The following SIRT3 variants were observed in gnomAD, a reference collection of about 807,000 sequenced individuals.
The protein encoded by SIRT3 is sirtuin 3, also known as NAD-dependent protein deacetylase sirtuin-3, mitochondrial.
Under a neutral mutation model 33.5 loss-of-function variants are expected in SIRT3, and 26 were observed. That is an observed-to-expected ratio of 0.78 (90% CI 0.57 to 1.08). The LOEUF (loss-of-function observed/expected upper bound fraction) is 1.08, where lower values mean the gene tolerates loss of function less well. SIRT3 is among the 50% of genes least tolerant of loss of function. The probability of loss-of-function intolerance (pLI) is 0.00; values close to 1 mark genes in which losing one functional copy is unlikely to be tolerated. For missense variants in SIRT3, 585 were observed against 530.1 expected (o/e 1.10, Z -1.02); for synonymous variants, 237 against 222.1 (o/e 1.07, Z -0.60).
rs200944124 is a variant in SIRT3, at chr11:218,999, C to G, written c.1012G>C (p.Val338Leu). Reference sequence around the variant, plus strand: ...TCCCGGTTGATGAGCAGTCGGGGAACTGAGCTCCGCACGGCCTCGGTCAAG... The same window carrying G: ...TCCCGGTTGATGAGCAGTCGGGGAAGTGAGCTCCGCACGGCCTCGGTCAAG... ...ASLTEAVRSS[V>L]PRLLINRDLV... Residue 338 changes from valine (V) to leucine (L), a missense_variant, in exon 6 of 7, where the codon GTT becomes CTT. By Grantham distance (32) the Val-to-Leu change is conservative. Coordinates refer to ENST00000382743, the MANE Select transcript of SIRT3 (RefSeq NM_012239.6). The G allele has an allele frequency of 3.8e-5, 61 of 1,614,008 alleles. No homozygotes were observed. The highest frequency in any genetic ancestry group is 4.5e-5 in the Non-Finnish European group (53 of 1,180,040).
At position 233,051 on chromosome 11, in the gene SIRT3, A is replaced by C; in HGVS notation, c.638T>G (p.Leu213Arg). 6.2e-7 allele frequency: 1 copy of C among 1,614,118 alleles called. No homozygotes were observed. The highest frequency in any genetic ancestry group is 8.5e-7 in the Non-Finnish European group (1 of 1,180,006). The change falls in exon 3 of 7, where the codon CTC becomes CGC. Residue 213 changes from leucine (L) to arginine (R), a missense_variant. Transcript: ENST00000382743. The part of the protein sequence containing the change: ...NYKPNVTHYF[L>R]RLLHDKGLLL... Reference sequence around the variant, plus strand: ...CAGCCCCTTGTCATGAAGCAGCCGGAGAAAGTAGTGAGTGACGTTGGGCTT... The same window carrying C: ...CAGCCCCTTGTCATGAAGCAGCCGGCGAAAGTAGTGAGTGACGTTGGGCTT...
At chr11:232,680 C>A (rs755348102) in intron 3 of SIRT3, among the ~76,000 whole-genome samples, 1 of 152,120 alleles carries the variant, frequency 6.6e-6, no homozygotes, top group African/African-American at 2.4e-5. Context: ...AAAAAGAGAT[C>A]ATCACACCAG....
At chr11:236,843 A>C, upstream of SIRT3, 10 of 587,792 alleles carry the variant, frequency 1.7e-5, no homozygotes, top group Admixed American at 3.0e-5. Context: ...GTGCGCGGGA[A>C]GTGGGCTGCA....
At chr11:226,754 A>T (rs12795378) in intron 4 of SIRT3, among the ~76,000 whole-genome samples, 21,878 of 78,006 alleles carry the variant, frequency 0.28, 2,159 homozygotes, top group Middle Eastern at 0.32. Context: ...AATTATTATT[A>T]TTATTTTTTT....
intron 4 of SIRT3, among the ~76,000 whole-genome samples, chr11:226,356 C>T (rs1440122694): frequency 1.3e-5 from 2 of 152,090 alleles, no homozygotes; most frequent in African/African-American, 2.4e-5. Context: ...TCTGGGGTTC[C>T]CTTGACCAAG....
At chr11:232,870 A>G in intron 3 of SIRT3, 113 bp downstream of exon 3, 1 of 1,011,616 alleles carries the variant, frequency 9.9e-7, no homozygotes, top group South Asian at 1.5e-5. Flanking sequence ...GTCCCCAGAA[A>G]CAGGCACCCG....
At position 218,431 on chromosome 11, in the gene SIRT3, T is replaced by C. The variant is rs147696796; in HGVS notation, c.1179+401A>G. Among the ~76,000 whole-genome samples the C allele has an allele frequency of 9.3e-3, 1,416 of 152,342 alleles. 12 individuals carry two copies. Among genetic ancestry groups the C allele is most frequent in the Middle Eastern group, 0.031 (9 of 294 alleles). ...AATTACTTCCGAAAAGCATCACTCA[T>C]GTAGCCTTCATCCCACATAGATGCA... On this transcript the variant is annotated intron_variant, in intron 6 of 6. Coordinates refer to ENST00000382743, the MANE Select transcript of SIRT3 (RefSeq NM_012239.6).
At position 218,652 on chromosome 11, in the gene SIRT3, C is replaced by A. The variant is rs958306109; in HGVS notation, c.1179+180G>T. 4 of 1,156,884 alleles carry A rather than the reference C, an allele frequency of 3.5e-6. No homozygotes were observed. The African/African-American group carries it at 6.2e-5, about 18-fold the overall frequency. The allele number at this position is 1,156,884 out of a possible 1,614,324, so 71.7% of individuals were successfully genotyped here. ...CCTGTTAGCATCTGTTTCCTCATCT[C>A]TAAATGGAGGTATTGAAAGTAACAC... On this transcript the variant is annotated intron_variant, in intron 6 of 6. Transcript: ENST00000382743.
intron 3 of SIRT3, 121 bp downstream of exon 3, chr11:232,862 C>T: frequency 1.1e-6 from 1 of 910,820 alleles, no homozygotes; most frequent in Non-Finnish European, 1.7e-6. Flanking sequence ...TTTTGGCCGT[C>T]CCCAGAAACA....
chr11:224,304 C>A, intron 4 of SIRT3, 65 bp from the exon 5 acceptor site: 2 of 1,522,070 alleles, frequency 1.3e-6, no homozygotes, highest in Non-Finnish European at 1.8e-6. Flanking sequence ...GAAAAGGCAA[C>A]AAGTTCTTAT....
chr11:231,499 G>A (rs1564812832), intron 3 of SIRT3, among the ~76,000 whole-genome samples: 2 of 152,188 alleles, frequency 1.3e-5, no homozygotes, highest in Non-Finnish European at 2.9e-5. Context: ...TTAAAATGAG[G>A]ATATAAATAT....
At chr11:236,921 C>A, upstream of SIRT3, 1 of 765,456 alleles carries the variant, frequency 1.3e-6, no homozygotes, top group African/African-American at 1.8e-5. Flanking sequence ...GGCCCGCCCC[C>A]GGCCTGCTAC....
intron 1 of SIRT3, among the ~76,000 whole-genome samples, chr11:235,508 C>A (rs933510087): frequency 7.2e-5 from 11 of 152,228 alleles, no homozygotes; most frequent in Non-Finnish European, 2.9e-5. Flanking sequence ...TCGAGACTCA[C>A]TTTTCACCAA....
intron 6 of SIRT3, among the ~76,000 whole-genome samples, chr11:218,459 G>C (rs1056218723): frequency 6.6e-6 from 1 of 152,182 alleles, no homozygotes; most frequent in Non-Finnish European, 1.5e-5. Context: ...TAGATGCAGA[G>C]AACTTTAGCT....
intron 1 of SIRT3, among the ~76,000 whole-genome samples, chr11:235,741 T>C (rs1858932609): frequency 6.6e-6 from 1 of 152,198 alleles, no homozygotes; most frequent in Admixed American, 6.5e-5. Flanking sequence ...GTTAAATGCA[T>C]ATACTTTTGG....
Position 233,282 on chromosome 11 carries a change from G to A in SIRT3, c.473+61C>T, listed in dbSNP as rs989654734. The A allele has an allele frequency of 1.0e-5, 16 of 1,600,774 alleles. No homozygotes were observed. In the African/African-American group the frequency reaches 2.1e-4, roughly 21 times the overall value. ...ACAGGGAAGTGGAATAAACTGGGCA[G>A]TGGGGAGGGCAGGAGTCAGGGGAGG... On this transcript the variant is annotated intron_variant, in intron 2 of 6. Transcript: ENST00000382743.
At position 218,858 on chromosome 11, in the gene SIRT3, C is replaced by T. The variant is rs1483275927; in HGVS notation, c.1153G>A (p.Asp385Asn). ...ELLGWTEEMR[D>N]LVQRETGKLD... ...TTCCCAGTTTCCCGCTGCACAAGGT[C>T]CCGCATCTCTTCTGTCCAGCCCAGA... The change falls in exon 6 of 7, where the codon GAC (aspartate) becomes AAC (asparagine). Residue 385 changes from aspartate (D) to asparagine (N), a missense_variant. Asp to Asn is a conservative substitution (Grantham distance 23). Transcript: ENST00000382743. The T allele has an allele frequency of 1.2e-6, 2 of 1,614,082 alleles. No individual in the cohort carries two copies. Among genetic ancestry groups the T allele is most frequent in the African/African-American group, 2.7e-5 (2 of 74,914 alleles).
At chr11:217,546 G>A (rs1348143058) in intron 6 of SIRT3, among the ~76,000 whole-genome samples, 1 of 152,270 alleles carries the variant, frequency 6.6e-6, no homozygotes, top group African/African-American at 2.4e-5. Context: ...AGCTGGCCAG[G>A]AGGCACTCGC....
intron 6 of SIRT3, among the ~76,000 whole-genome samples, chr11:217,951 A>G (rs1034487122): frequency 3.9e-5 from 6 of 152,158 alleles, no homozygotes; most frequent in African/African-American, 1.4e-4. Context: ...GTCTCACAAG[A>G]TCTGATAGTT....
Sources: allele counts gnomAD v4.1 joint callset (sites outside exome capture counted in the v4.1 genomes callset), GRCh38; gene constraint gnomAD v4.1.1; transcripts MANE v1.5; gene names NCBI Gene and HGNC (gene_info 2026-07-23, HGNC 2026-07-21).